The following CSMD1 variants were observed in gnomAD, a reference collection of about 807,000 sequenced individuals.
CSMD1 encodes the protein CUB and Sushi multiple domains 1.
In CSMD1, 213 loss-of-function variants were observed where a neutral mutation model predicts 417.5. The ratio of observed to expected loss-of-function variants is 0.51; its 90% CI spans 0.46 to 0.57. The LOEUF (loss-of-function observed/expected upper bound fraction) is 0.57, where lower values mean the gene tolerates loss of function less well. CSMD1 is among the 20% of genes least tolerant of loss of function. The pLI, the probability that CSMD1 is intolerant of heterozygous loss-of-function variation, is 0.00. For synonymous variants in CSMD1, 2,862 were observed against 1,736.8 expected (o/e 1.65, Z -16.11); for missense variants, 6,923 against 4,529.7 (o/e 1.53, Z -15.17).
chr8:3,720,301 AAAAG>A (rs1349446912), intron 6 of CSMD1, among the ~76,000 whole-genome samples: 13 of 152,188 alleles, frequency 8.5e-5, no homozygotes, highest in African/African-American at 3.1e-4. Context: ...TACAGAAGAA[AAAAG>A]AAAGGGGAGA....
intron 6 of CSMD1, among the ~76,000 whole-genome samples, chr8:3,733,076 A>G (rs1321611919): frequency 6.6e-6 from 1 of 151,896 alleles, no homozygotes; most frequent in African/African-American, 2.4e-5. Flanking sequence ...TTGGTTTTAT[A>G]AAAGTGACAC....
chr8:2,981,611 G>A (rs1282433092), intron 54 of CSMD1, among the ~76,000 whole-genome samples: 2 of 152,078 alleles, frequency 1.3e-5, no homozygotes, highest in Non-Finnish European at 2.9e-5. Context: ...TGAGAACACT[G>A]ATGTCTTATA....
At chr8:3,863,820 GAAA>G (rs547694503) in intron 5 of CSMD1, among the ~76,000 whole-genome samples, 11 of 148,640 alleles carry the variant, frequency 7.4e-5, no homozygotes, top group African/African-American at 2.5e-4. Flanking sequence ...TATTCATGAC[GAAA>G]AAAAAAATCA....
chr8:4,396,383 C>G (rs1287648062), intron 3 of CSMD1, among the ~76,000 whole-genome samples: 1 of 151,980 alleles, frequency 6.6e-6, no homozygotes, highest in Non-Finnish European at 1.5e-5. Flanking sequence ...AGGAGGATTG[C>G]TTGAGCCTGG....
At chr8:2,990,621 A>C (rs896479699) in intron 54 of CSMD1, among the ~76,000 whole-genome samples, 1 of 152,322 alleles carries the variant, frequency 6.6e-6, no homozygotes, top group East Asian at 1.9e-4. Context: ...GAAACTAGGG[A>C]CACCTCTGTG....
At chr8:3,511,138 C>G (rs1451203236) in intron 10 of CSMD1, among the ~76,000 whole-genome samples, 1 of 151,592 alleles carries the variant, frequency 6.6e-6, no homozygotes, top group Non-Finnish European at 1.5e-5. Context: ...GAACAGAAAA[C>G]CAAACACTGC....
At chr8:4,235,747 A>G (rs1045819377) in intron 3 of CSMD1, among the ~76,000 whole-genome samples, 4 of 152,180 alleles carry the variant, frequency 2.6e-5, no homozygotes, top group Non-Finnish European at 1.5e-5. Flanking sequence ...GTAATGAGGA[A>G]AAAATGTGTC....
At chr8:2,939,562 G>C (rs938783733) in intron 69 of CSMD1, among the ~76,000 whole-genome samples, 6 of 152,250 alleles carry the variant, frequency 3.9e-5, no homozygotes, top group African/African-American at 1.4e-4. Context: ...TATTCCAGAA[G>C]AAATCAGGTA....
At chr8:3,385,729 T>G (rs980900141) in intron 18 of CSMD1, among the ~76,000 whole-genome samples, 1 of 152,168 alleles carries the variant, frequency 6.6e-6, no homozygotes, top group African/African-American at 2.4e-5. Flanking sequence ...TAGAGTTTAC[T>G]TAAAGTTTAA....
At chr8:4,640,962 G>A (rs572868151) in intron 1 of CSMD1, among the ~76,000 whole-genome samples, 10 of 150,852 alleles carry the variant, frequency 6.6e-5, no homozygotes, top group African/African-American at 2.4e-4. Context: ...AATATCAATG[G>A]TAAAAAAGAA....
intron 12 of CSMD1, among the ~76,000 whole-genome samples, chr8:3,467,743 G>A (rs556091641): frequency 3.3e-5 from 5 of 152,086 alleles, no homozygotes; most frequent in African/African-American, 1.2e-4. Flanking sequence ...CACTCACATG[G>A]ACTCATGACA....
At chr8:3,141,805 T>TC (rs1818501241) in intron 41 of CSMD1, among the ~76,000 whole-genome samples, 2 of 150,806 alleles carry the variant, frequency 1.3e-5, no homozygotes, top group African/African-American at 4.9e-5. Flanking sequence ...ATTATCTTTT[T>TC]TTTTTTTTCT....
intron 3 of CSMD1, among the ~76,000 whole-genome samples, chr8:4,170,511 T>G (rs1163409482): frequency 6.6e-6 from 1 of 151,900 alleles, no homozygotes; most frequent in African/African-American, 2.4e-5. Context: ...GAAATGTTAT[T>G]AAGTAGAGGT....
chr8:3,924,698 TTTTC>T (rs775392620), intron 5 of CSMD1, among the ~76,000 whole-genome samples: 14 of 152,164 alleles, frequency 9.2e-5, no homozygotes, highest in Admixed American at 3.3e-4. Context: ...TAGCTCCAGA[TTTTC>T]TTTGTTTCAT....
intron 1 of CSMD1, among the ~76,000 whole-genome samples, chr8:4,797,821 A>T (rs1798062163): frequency 6.6e-6 from 1 of 152,210 alleles, no homozygotes; most frequent in Admixed American, 6.5e-5. Flanking sequence ...ATGTAACAAA[A>T]AATGTATAAT....
intron 7 of CSMD1, among the ~76,000 whole-genome samples, chr8:3,623,301 A>G (rs560544276): frequency 6.6e-6 from 1 of 152,334 alleles, no homozygotes; most frequent in East Asian, 1.9e-4. Flanking sequence ...TCATCAAATT[A>G]CCCTGCTGTT....
intron 53 of CSMD1, 117 bp from the exon 54 acceptor site, chr8:2,998,301 T>C: frequency 1.0e-6 from 1 of 978,060 alleles, no homozygotes; most frequent in Non-Finnish European, 1.5e-6. Context: ...GGTTTTCCAC[T>C]AACCAGGCAG....
At chr8:4,431,635 A>G (rs906102080) in intron 2 of CSMD1, among the ~76,000 whole-genome samples, 2 of 152,164 alleles carry the variant, frequency 1.3e-5, no homozygotes, top group African/African-American at 4.8e-5. Context: ...ACAGACAAAC[A>G]AAAAACAGAG....
intron 6 of CSMD1, among the ~76,000 whole-genome samples, chr8:3,724,448 C>T (rs1452906789): frequency 5.3e-5 from 8 of 152,052 alleles, no homozygotes; most frequent in Admixed American, 4.6e-4. Flanking sequence ...AATTTTCTCT[C>T]AATGTAATTC....
Sources: gnomAD v4.1 joint callset for allele counts (sites outside exome capture counted in the v4.1 genomes callset) on GRCh38, gnomAD v4.1.1 for gene constraint, MANE v1.5 for transcripts, NCBI Gene and HGNC (gene_info 2026-07-23, HGNC 2026-07-21) for gene names.